The following EML6 variants were observed in gnomAD, a reference collection of about 807,000 sequenced individuals.
EML6 encodes echinoderm microtubule-associated protein-like 6.
A neutral mutation model predicts 240.1 loss-of-function variants in EML6; 154 were observed. The ratio of observed to expected loss-of-function variants is 0.64; its 90% CI spans 0.56 to 0.73. The LOEUF (loss-of-function observed/expected upper bound fraction) is 0.73, where lower values mean the gene tolerates loss of function less well. Ranked by LOEUF, EML6 falls within the 30% of genes least tolerant of loss-of-function variation. The pLI, the probability that EML6 is intolerant of heterozygous loss-of-function variation, is 0.00. For missense variants in EML6, 2,964 were observed against 2,474.6 expected (o/e 1.20, Z -4.20); for synonymous variants, 1,148 against 899.0 (o/e 1.28, Z -4.95).
chr2:54,824,543 A>G (rs1668496543), intron 5 of EML6, among the ~76,000 whole-genome samples: 1 of 152,230 alleles, frequency 6.6e-6, no homozygotes, highest in South Asian at 2.1e-4. Flanking sequence ...TTTGTACTCA[A>G]AGAAAATACT....
chr2:54,825,816 C>A (rs977854717), intron 5 of EML6, among the ~76,000 whole-genome samples: 3 of 152,172 alleles, frequency 2.0e-5, no homozygotes, highest in African/African-American at 4.8e-5. Flanking sequence ...ACTGTTTCCT[C>A]TAGTACCCAA....
At position 54,970,826 on chromosome 2, in the gene EML6, C is replaced by T. The variant is rs2289748; in HGVS notation, c.*731C>T. The T allele has an allele frequency of 0.058, 8,872 of 152,234 alleles. 327 individuals are homozygous for T. Among genetic ancestry groups the T allele is most frequent in the South Asian group, 0.099 (478 of 4,822 alleles). The allele number at this position is 152,234 out of a possible 1,614,324, so 9.4% of individuals were successfully genotyped here. ...GTGTGTCACCCTTGTCCTGTGTTCA[C>T]GCCAAGGCTTCCTAAATGAAAGACA... On this transcript the variant is annotated 3_prime_UTR_variant, in exon 42 of 42. Coordinates refer to ENST00000356458, the MANE Select transcript of EML6 (RefSeq NM_001039753.4).
intron 2 of EML6, among the ~76,000 whole-genome samples, chr2:54,726,692 T>A (rs1682923815): frequency 1.3e-5 from 2 of 152,202 alleles, no homozygotes; most frequent in African/African-American, 4.8e-5. Flanking sequence ...GTTCTGCAGA[T>A]TTTGCTTCTC....
intron 2 of EML6, among the ~76,000 whole-genome samples, chr2:54,800,231 C>T (rs1214663863): frequency 6.6e-6 from 1 of 152,070 alleles, no homozygotes; most frequent in Non-Finnish European, 1.5e-5. Context: ...ACATGCCATG[C>T]AACCATTTGA....
At chr2:54,727,436 G>T (rs1277980743) in intron 2 of EML6, among the ~76,000 whole-genome samples, 1 of 152,194 alleles carries the variant, frequency 6.6e-6, no homozygotes, top group African/African-American at 2.4e-5. Context: ...CTATGAAATT[G>T]GAATGTTTAT....
chr2:54,898,827 A>G (rs1251942472), intron 21 of EML6, among the ~76,000 whole-genome samples: 2 of 152,252 alleles, frequency 1.3e-5, no homozygotes, highest in Admixed American at 1.3e-4. Flanking sequence ...CTGTAGCACT[A>G]ATCTTTACAC....
chr2:54,959,336 C>T (rs1487382655), intron 34 of EML6, 75 bp downstream of exon 34: 9 of 1,394,732 alleles, frequency 6.5e-6, no homozygotes, highest in East Asian at 2.6e-5. Context: ...GTGTTCCCAA[C>T]TTGGAGAAAA....
Position 54,971,605 on chromosome 2 carries a change from C to A in EML6, c.*1510C>A, listed in dbSNP as rs897008425. The A allele has an allele frequency of 1.3e-5, 2 of 152,200 alleles. No homozygotes were observed. Among genetic ancestry groups the A allele is most frequent in the East Asian group, 3.9e-4 (2 of 5,194 alleles). 9.4% of individuals were successfully genotyped at this position (152,200 alleles called of 1,614,324 possible). A position where few individuals can be genotyped will look rare whatever the true frequency, so the allele number is the denominator to read the frequency against. ...TAAGCTATTTTTATATGCCAATTTA[C>A]TAATGCCTTACATCAATCCACTAAT... On this transcript the variant is annotated 3_prime_UTR_variant, in exon 42 of 42. Coordinates refer to ENST00000356458, the MANE Select transcript of EML6 (RefSeq NM_001039753.4).
At chr2:54,915,781 A>C (rs984407007) in intron 25 of EML6, among the ~76,000 whole-genome samples, 1 of 152,152 alleles carries the variant, frequency 6.6e-6, no homozygotes, top group South Asian at 2.1e-4. Flanking sequence ...AACAGTTTCA[A>C]ATTCAAAAAG....
intron 2 of EML6, among the ~76,000 whole-genome samples, chr2:54,741,032 A>C (rs1041853003): frequency 2.6e-5 from 4 of 152,174 alleles, no homozygotes; most frequent in Non-Finnish European, 4.4e-5. Flanking sequence ...GAAGCTACTT[A>C]AGTTAAACAA....
intron 26 of EML6, among the ~76,000 whole-genome samples, chr2:54,917,961 T>C (rs761213539): frequency 6.6e-6 from 1 of 152,236 alleles, no homozygotes; most frequent in Non-Finnish European, 1.5e-5. Context: ...CTTCTTGGTT[T>C]TGAGTTTTAC....
In EML6 at chr2:54,945,503, C is replaced by T. The variant is rs535520233; in HGVS notation, c.4005-3379C>T. Reference sequence around the variant, plus strand: ...CCCACACTCACACCCACACCCACACCCCTCTTTATAGAAACTGGTTGGAAC... The same window carrying T: ...CCCACACTCACACCCACACCCACACTCCTCTTTATAGAAACTGGTTGGAAC... On this transcript the variant is annotated intron_variant, in intron 28 of 41. Transcript: ENST00000356458. Among the ~76,000 whole-genome samples the T allele has an allele frequency of 3.9e-5, 6 of 152,160 alleles. No individual in the cohort carries two copies. The South Asian group carries it at 1.0e-3, about 26-fold the overall frequency.
chr2:54,836,578 C>G (rs1006925114), intron 7 of EML6, among the ~76,000 whole-genome samples: 3 of 152,136 alleles, frequency 2.0e-5, no homozygotes, highest in African/African-American at 7.2e-5. Context: ...GTGCTGAATG[C>G]CCACTCTGTG....
chr2:54,795,602 C>T (rs1480279731), intron 2 of EML6, among the ~76,000 whole-genome samples: 1 of 152,114 alleles, frequency 6.6e-6, no homozygotes, highest in African/African-American at 2.4e-5. Flanking sequence ...GGAGCATATG[C>T]CCCCAGGGAA....
At chr2:54,732,771 A>G (rs1292994050) in intron 2 of EML6, among the ~76,000 whole-genome samples, 1 of 152,250 alleles carries the variant, frequency 6.6e-6, no homozygotes, top group Admixed American at 6.5e-5. Flanking sequence ...ATAGATTTTT[A>G]TATATTTATA....
intron 26 of EML6, among the ~76,000 whole-genome samples, chr2:54,922,292 G>A (rs1401902389): frequency 6.6e-6 from 1 of 152,126 alleles, no homozygotes; most frequent in African/African-American, 2.4e-5. Context: ...TGGCCAACAG[G>A]TATGTGAAAA....
chr2:54,890,033 A>G (rs1427749021), intron 17 of EML6, among the ~76,000 whole-genome samples: 1 of 152,256 alleles, frequency 6.6e-6, no homozygotes, highest in Non-Finnish European at 1.5e-5. Flanking sequence ...CTAAATGACA[A>G]GTCTGAAGCA....
intron 7 of EML6, among the ~76,000 whole-genome samples, chr2:54,835,038 T>TCCCCTCGCTGCTTCTC (rs1445166996): frequency 6.6e-6 from 1 of 151,996 alleles, no homozygotes; most frequent in African/African-American, 2.4e-5. Flanking sequence ...GGCTGCTCCT[T>TCCCCTCGCTGCTTCTC]CCCCTCGCTG....
chr2:54,882,856 T>TAAAAAAAAA (rs1452424017), intron 17 of EML6: 1 of 648 alleles, frequency 1.5e-3, no homozygotes, highest in Non-Finnish European at 6.0e-3. Flanking sequence ...AGACTCCGTC[T>TAAAAAAAAA]CAAAAAAAAA....
Sources: allele counts gnomAD v4.1 joint callset (sites outside exome capture counted in the v4.1 genomes callset), GRCh38; gene constraint gnomAD v4.1.1; transcripts MANE v1.5; gene names NCBI Gene and HGNC (gene_info 2026-07-23, HGNC 2026-07-21).